STK16: variants seen among roughly 807,000 people sequenced by gnomAD.
The protein encoded by STK16 is serine/threonine kinase 16, also known as serine/threonine-protein kinase 16.
In STK16, 28 loss-of-function variants were observed where a neutral mutation model predicts 37.8. The observed-to-expected ratio is 0.74, with a 90% CI of 0.55 to 1.02. The LOEUF (loss-of-function observed/expected upper bound fraction) is 1.02. STK16 is among the 50% of genes least tolerant of loss of function. The probability of loss-of-function intolerance (pLI) is 0.00; values close to 1 mark genes in which losing one functional copy is unlikely to be tolerated. For synonymous variants in STK16, 134 were observed against 155.0 expected (o/e 0.86, Z 1.01); for missense variants, 349 against 390.6 (o/e 0.89, Z 0.90).
chr2:219,248,091 C>A, intron 6 of STK16, 102 bp from the exon 7 acceptor site: 1 of 1,532,978 alleles, frequency 6.5e-7, no homozygotes, highest in South Asian at 1.2e-5. Context: ...CTGAGGTCAG[C>A]GTATTCTTTT....
rs1050970774 is a variant in STK16 at position 219,245,829 on chromosome 2, G to T, written c.-105+33G>T. 129 of 559,556 alleles carry T rather than the reference G, an allele frequency of 2.3e-4. 1 individual carries two copies. Among genetic ancestry groups the T allele is most frequent in the African/African-American group, 1.9e-3 (102 of 52,480 alleles). The allele number at this position is 559,556 out of a possible 1,614,324, so 34.7% of individuals were successfully genotyped here. A position where few individuals can be genotyped will look rare whatever the true frequency, so the allele number is the denominator to read the frequency against. ...CCAGAGACCTGGGCCTGAGCTCTCCGCATTGGTACTTCATGGGTCGTCTGG... is the reference window on the plus strand; with the variant it reads ...CCAGAGACCTGGGCCTGAGCTCTCCTCATTGGTACTTCATGGGTCGTCTGG... On this transcript the variant is annotated intron_variant, in intron 1 of 7. Transcript: ENST00000396738.
Position 219,245,797 on chromosome 2 carries a change from G to C in STK16, c.-105+1G>C. 1 of 506,962 alleles carries C rather than the reference G, an allele frequency of 2.0e-6. No homozygotes were observed. Among genetic ancestry groups the C allele is most frequent in the Non-Finnish European group, 3.5e-6 (1 of 281,906 alleles). 31.4% of individuals were successfully genotyped at this position (506,962 alleles called of 1,614,324 possible). The stretch of plus-strand genomic sequence containing the variant: ...GGGCCTGTTTTCTCTACACTATAGT[G>C]TAGGTTCCAGAGACCTGGGCCTGAG... On this transcript the variant is annotated splice_donor_variant, in intron 1 of 7. Coordinates refer to ENST00000396738, the MANE Select transcript of STK16 (RefSeq NM_001330213.2). LOFTEE classifies it low-confidence loss of function (5UTR_SPLICE).
intron 3 of STK16, 44 bp from the exon 4 acceptor site, chr2:219,247,069 A>T: frequency 6.2e-7 from 1 of 1,612,946 alleles, no homozygotes; most frequent in Non-Finnish European, 8.5e-7. Context: ...TAAGGAGCAG[A>T]GGCTCCAAAA....
In STK16 at chr2:219,247,424, GC is replaced by G; in HGVS notation, c.453del (p.Thr152ProfsTer13). On this transcript the variant is annotated frameshift_variant, in exon 5 of 8. Coordinates refer to ENST00000396738, the MANE Select transcript of STK16 (RefSeq NM_001330213.2). LOFTEE classifies it high-confidence loss of function. Reference sequence around the variant, plus strand: ...TTCTACTTCTCTACAGAGACTTGAAGCCCACCAATATATTGCTTGGAGATGA... The same window carrying G: ...TTCTACTTCTCTACAGAGACTTGAAGCCACCAATATATTGCTTGGAGATGA... The part of the protein sequence containing the change: ...AKGYAHRDLK[P>X]TNILLGDEGQ... 5.0e-6 allele frequency: 8 copies of G among 1,614,206 alleles called. No homozygotes were observed. The highest frequency in any genetic ancestry group is 6.8e-6 in the Non-Finnish European group (8 of 1,180,046).
At position 219,247,699 on chromosome 2, in the gene STK16, C is replaced by A. The variant is rs1393077239; in HGVS notation, c.599C>A (p.Ala200Asp). 2 of 1,608,850 alleles carry A rather than the reference C, an allele frequency of 1.2e-6. No individual in the cohort carries two copies. Among genetic ancestry groups the A allele is most frequent in the Non-Finnish European group, 1.7e-6 (2 of 1,176,702 alleles). Residue 200 changes from alanine (A) to aspartate (D), a missense_variant, in exon 6 of 8, where the codon GCC (alanine) becomes GAC (aspartate). Physicochemically the swap from Ala to Asp is moderately radical, Grantham distance 126. Coordinates refer to ENST00000396738, the MANE Select transcript of STK16 (RefSeq NM_001330213.2). ...AAQRCTISYR[A>D]PELFSVQSHC... ...CAGCGGTGCACCATCTCCTACCGAG[C>A]CCCAGAGCTCTTCTCTGTGCAGAGT... is the stretch of plus-strand genomic sequence containing the variant.
Position 219,246,971 on chromosome 2 carries a change from G to A in STK16, c.306+95G>A. On this transcript the variant is annotated intron_variant, in intron 3 of 7. Coordinates refer to ENST00000396738, the MANE Select transcript of STK16 (RefSeq NM_001330213.2). This position sits in a 1 kb window ranked among gnomAD's most constrained non-coding sequence, Gnocchi z 4.5. ...CAGCATGTTAGGAAGCAGGGACCAT[G>A]TCCTGGGTTTGGCCACTTTAGATTT... The A allele has an allele frequency of 6.6e-7, 1 of 1,524,974 alleles. No individual in the cohort carries two copies. Among genetic ancestry groups the A allele is most frequent in the Non-Finnish European group, 8.9e-7 (1 of 1,125,804 alleles). The allele number at this position is 1,524,974 out of a possible 1,614,324, so 94.5% of individuals were successfully genotyped here. A position where few individuals can be genotyped will look rare whatever the true frequency, so the allele number is the denominator to read the frequency against.
chr2:219,245,990 CTG>C lies in STK16; in HGVS notation c.-9_-8del. Reference sequence around the variant, plus strand: ...CTCAGACCGTCCTTGAAGAGGATGACTGAGACATTATGGGCCACGCGCTGTGT... The same window carrying C: ...CTCAGACCGTCCTTGAAGAGGATGACAGACATTATGGGCCACGCGCTGTGT... On this transcript the variant is annotated 5_prime_UTR_variant, in exon 2 of 8. Coordinates refer to ENST00000396738, the MANE Select transcript of STK16 (RefSeq NM_001330213.2). The C allele has an allele frequency of 1.2e-6, 2 of 1,612,434 alleles. No homozygotes were observed. The highest frequency in any genetic ancestry group is 1.7e-6 in the Non-Finnish European group (2 of 1,179,132).
At position 219,246,441 on chromosome 2, in the gene STK16, A is replaced by C. The variant is rs769167433; in HGVS notation, c.87-216A>C. ...TATTTATTTAGCATCTGTCAAGTGC[A>C]GAGGTCTCTATTACGACCATAGGAC... On this transcript the variant is annotated intron_variant, in intron 2 of 7. Transcript: ENST00000396738. This position sits in a 1 kb window ranked among gnomAD's most constrained non-coding sequence, Gnocchi z 4.5. 1 of 625,466 alleles carries C rather than the reference A, an allele frequency of 1.6e-6. No individual in the cohort carries two copies. Among genetic ancestry groups the C allele is most frequent in the Admixed American group, 2.8e-5 (1 of 36,192 alleles). The allele number at this position is 625,466 out of a possible 1,614,324, so 38.7% of individuals were successfully genotyped here. A position where few individuals can be genotyped will look rare whatever the true frequency, so the allele number is the denominator to read the frequency against.
chr2:219,247,573 C>T (rs1171639817), intron 5 of STK16, 38 bp downstream of exon 5: 1 of 1,614,212 alleles, frequency 6.2e-7, no homozygotes, highest in Admixed American at 1.7e-5. Flanking sequence ...CACCTGTTCC[C>T]CATTCCCACC....
At position 219,250,337 on chromosome 2, in the gene STK16, C is replaced by T. The variant is rs774319060; in HGVS notation, c.*1778C>T. The T allele has an allele frequency of 3.8e-6, 6 of 1,598,854 alleles. No individual in the cohort carries two copies. In the East Asian group the frequency reaches 9.0e-5, roughly 24 times the overall value. On this transcript the variant is annotated 3_prime_UTR_variant, in exon 8 of 8. Transcript: ENST00000396738. This position sits in a 1 kb window ranked among gnomAD's most constrained non-coding sequence, Gnocchi z 8.4. ...TTTTGCAATAAACATAGTGAATAGG[C>T]TCCAGGCAGCTGCTTTATTCTTCTC... is the stretch of plus-strand genomic sequence containing the variant.
chr2:219,247,908 C>G, intron 6 of STK16, 151 bp downstream of exon 6: 1 of 862,284 alleles, frequency 1.2e-6, no homozygotes, highest in Non-Finnish European at 1.9e-6. Context: ...GGAAATGTCA[C>G]TGATACTGTA....
rs1951600336 is a variant in STK16 at position 219,249,070 on chromosome 2, C to T, written c.*511C>T. 6.5e-6 allele frequency: 1 copy of T among 153,128 alleles called. No individual in the cohort carries two copies. The highest frequency in any genetic ancestry group is 2.4e-5 in the African/African-American group (1 of 41,456). The allele number at this position is 153,128 out of a possible 1,614,324, so 9.5% of individuals were successfully genotyped here. On this transcript the variant is annotated 3_prime_UTR_variant, in exon 8 of 8. Transcript: ENST00000396738. ...TTAGCAGTGGACAGTTCTAGCTTGT[C>T]TTAGATCAAAACTTAAAGCTGCTTG...
Position 219,247,253 on chromosome 2 carries a change from G to C in STK16, c.440+7G>C, listed in dbSNP as rs773207774. 115 of 1,613,958 alleles carry C rather than the reference G, an allele frequency of 7.1e-5. No homozygotes were observed. Among genetic ancestry groups the C allele is most frequent in the Non-Finnish European group, 9.4e-5 (111 of 1,179,974 alleles). On this transcript the variant is annotated splice_region_variant and intron_variant, in intron 4 of 7. Transcript: ENST00000396738. The stretch of plus-strand genomic sequence containing the variant: ...CCAAGGGTTATGCCCACAGGTCAGT[G>C]GGAGGACCCTGTGTGCTTGCTGGGG...
At chr2:219,248,101 T>G in intron 6 of STK16, 92 bp from the exon 7 acceptor site, 2 of 1,560,872 alleles carry the variant, frequency 1.3e-6, no homozygotes, top group Non-Finnish European at 1.7e-6. Flanking sequence ...CGTATTCTTT[T>G]TAGCTTATGG....
chr2:219,246,602 G>C lies in STK16; in HGVS notation c.87-55G>C. 6.7e-7 allele frequency: 1 copy of C among 1,487,588 alleles called. No individual in the cohort carries two copies. Among genetic ancestry groups the C allele is most frequent in the East Asian group, 2.3e-5 (1 of 44,060 alleles). 92.1% of individuals were successfully genotyped at this position (1,487,588 alleles called of 1,614,324 possible). A position where few individuals can be genotyped will look rare whatever the true frequency, so the allele number is the denominator to read the frequency against. ...ACTCCCCACCAGGAAATTTCTCTAG[G>C]TCCAAGCCATGTGGGAGATGACCAT... On this transcript the variant is annotated intron_variant, in intron 2 of 7. Transcript: ENST00000396738. This position sits in a 1 kb window ranked among gnomAD's most constrained non-coding sequence, Gnocchi z 4.5.
In STK16 at chr2:219,246,706, T is replaced by C. The variant is rs546314239; in HGVS notation, c.136T>C (p.Tyr46His). 1 of 1,614,246 alleles carries C rather than the reference T, an allele frequency of 6.2e-7. No individual in the cohort carries two copies. Among genetic ancestry groups the C allele is most frequent in the African/African-American group, 1.3e-5 (1 of 75,070 alleles). ...GGAAGGGTTACATGATGGACACTTC[T>C]ACGCCCTGAAGCGAATCCTGTGTCA... ...LVEGLHDGHF[Y>H]ALKRILCHEQ... The change falls in exon 3 of 8, where the codon TAC (tyrosine) becomes CAC (histidine). Residue 46 changes from tyrosine (Y) to histidine (H), a missense_variant. Physicochemically the swap from Tyr to His is moderately conservative, Grantham distance 83. Transcript: ENST00000396738. The surrounding 1 kb of genome is among the most constrained non-coding windows in gnomAD (Gnocchi z 4.5).
In STK16 at chr2:219,246,006, C is replaced by G; in HGVS notation, c.7C>G (p.His3Asp). MG[H>D]ALCVCSRGTV... ...AGAGGATGACTGAGACATTATGGGC[C>G]ACGCGCTGTGTGTCTGCTCTCGGGG... Residue 3 changes from histidine to aspartate, a missense_variant, in exon 2 of 8, where the codon CAC becomes GAC. His to Asp is a moderately conservative substitution (Grantham distance 81). Coordinates refer to ENST00000396738, the MANE Select transcript of STK16 (RefSeq NM_001330213.2). The surrounding 1 kb of genome is among the most constrained non-coding windows in gnomAD (Gnocchi z 4.5). 1 of 1,613,450 alleles carries G rather than the reference C, an allele frequency of 6.2e-7. No individual in the cohort carries two copies. Among genetic ancestry groups the G allele is most frequent in the Non-Finnish European group, 8.5e-7 (1 of 1,179,740 alleles).
In STK16 at chr2:219,247,698, G is replaced by A; in HGVS notation, c.598G>A (p.Ala200Thr). The change falls in exon 6 of 8, where the codon GCC becomes ACC. Residue 200 changes from alanine to threonine, a missense_variant. By Grantham distance (58) the Ala-to-Thr change is moderately conservative. Coordinates refer to ENST00000396738, the MANE Select transcript of STK16 (RefSeq NM_001330213.2). The part of the protein sequence containing the change: ...AAQRCTISYR[A>T]PELFSVQSHC... ...CCAGCGGTGCACCATCTCCTACCGA[G>A]CCCCAGAGCTCTTCTCTGTGCAGAG... is the stretch of plus-strand genomic sequence containing the variant. 6.2e-7 allele frequency: 1 copy of A among 1,609,174 alleles called. No individual in the cohort carries two copies. The highest frequency in any genetic ancestry group is 8.5e-7 in the Non-Finnish European group (1 of 1,176,856).
chr2:219,248,002 G>A (rs946009912), intron 6 of STK16, 191 bp from the exon 7 acceptor site: 3 of 908,712 alleles, frequency 3.3e-6, no homozygotes, highest in Non-Finnish European at 3.4e-6. Flanking sequence ...CACTGGCTAA[G>A]CAGGGGCTAA....
Sources: allele counts gnomAD v4.1 joint callset, GRCh38; gene constraint gnomAD v4.1.1; non-coding constraint Gnocchi (gnomAD v3.1); transcripts MANE v1.5; gene names NCBI Gene and HGNC (gene_info 2026-07-23, HGNC 2026-07-21).